RXRG: variants seen among roughly 807,000 people sequenced by gnomAD.
RXRG encodes the protein retinoid X receptor gamma, also known as retinoic acid receptor RXR-gamma.
Under a neutral mutation model 49.2 loss-of-function variants are expected in RXRG, and 19 were observed. The ratio of observed to expected loss-of-function variants is 0.39; its 90% CI spans 0.27 to 0.57. RXRG has a LOEUF of 0.57. RXRG is among the 20% of genes least tolerant of loss of function. The pLI is 0.64. For missense variants in RXRG, 452 were observed against 592.5 expected (o/e 0.76, Z 2.46); for synonymous variants, 224 against 216.6 (o/e 1.03, Z -0.30).
In RXRG at chr1:165,428,903, G is replaced by T. The variant is rs1387701577; in HGVS notation, c.113C>A (p.Pro38Gln). 1 of 1,613,952 alleles carries T rather than the reference G, an allele frequency of 6.2e-7. No individual in the cohort carries two copies. Among genetic ancestry groups the T allele is most frequent in the East Asian group, 2.2e-5 (1 of 44,876 alleles). Residue 38 changes from proline to glutamine, a missense_variant, in exon 2 of 10, where the codon CCA becomes CAA. Transcript: ENST00000359842. ...TGTGTAGCTGGGGTGGCTGTCCATT[G>T]GCTTCCCTGTGGACAAGGCTGCTGA... ...SPSAALSTGKPMDSHPSYTDT... is the reference protein window; with the variant it reads ...SPSAALSTGKQMDSHPSYTDT...
chr1:165,405,058 T>A (rs998371237), intron 9 of RXRG, among the ~76,000 whole-genome samples: 10 of 152,170 alleles, frequency 6.6e-5, no homozygotes, highest in African/African-American at 2.4e-4. Flanking sequence ...CGCATATTTT[T>A]AAAAAATATT....
At chr1:165,419,066 C>T (rs780984941) in intron 3 of RXRG, among the ~76,000 whole-genome samples, 1 of 151,974 alleles carries the variant, frequency 6.6e-6, no homozygotes, top group South Asian at 2.1e-4. Flanking sequence ...ATAATCAAAT[C>T]GGAGATTCGG....
chr1:165,435,108 G>A (rs544315652), intron 1 of RXRG, among the ~76,000 whole-genome samples: 1 of 152,284 alleles, frequency 6.6e-6, no homozygotes, highest in South Asian at 2.1e-4. Flanking sequence ...CAAAAGAAAT[G>A]TTCATTGGAG....
At chr1:165,402,366 G>A (rs751721527) in intron 9 of RXRG, among the ~76,000 whole-genome samples, 5 of 152,188 alleles carry the variant, frequency 3.3e-5, no homozygotes, top group Non-Finnish European at 7.3e-5. Flanking sequence ...GATTACAGGC[G>A]TGAGCCACCG....
intron 4 of RXRG, among the ~76,000 whole-genome samples, chr1:165,415,475 G>T (rs6669441): frequency 6.6e-6 from 1 of 152,160 alleles, no homozygotes; most frequent in East Asian, 1.9e-4. Flanking sequence ...AGAAGAGACT[G>T]TAGGAGGACA....
chr1:165,429,060 C>G, intron 1 of RXRG, 94 bp from the exon 2 acceptor site: 11 of 1,388,714 alleles, frequency 7.9e-6, no homozygotes, highest in Non-Finnish European at 9.7e-6. Flanking sequence ...TTTCCTGTAT[C>G]CTGCCCCTCT....
chr1:165,413,130 T>C (rs1364945467), intron 4 of RXRG, among the ~76,000 whole-genome samples: 1 of 152,206 alleles, frequency 6.6e-6, no homozygotes, highest in African/African-American at 2.4e-5. Context: ...TTTTCCTCTT[T>C]GTGCCTTAAG....
At chr1:165,436,936 T>C in intron 1 of RXRG, 6 of 1,128,240 alleles carry the variant, frequency 5.3e-6, no homozygotes, top group Non-Finnish European at 6.6e-6. Context: ...GAAAAGCCTG[T>C]TATCATCTTT....
At chr1:165,444,773 C>T in intron 1 of RXRG, 72 bp downstream of exon 1, 1 of 1,255,532 alleles carries the variant, frequency 8.0e-7, no homozygotes. Context: ...CTAATCCAGT[C>T]ATTCGTATTT....
At chr1:165,424,780 T>C (rs893782152) in intron 2 of RXRG, 1 of 985,510 alleles carries the variant, frequency 1.0e-6, no homozygotes, top group African/African-American at 1.7e-5. Context: ...ATGAACATGC[T>C]TCCATCATGA....
intron 2 of RXRG, among the ~76,000 whole-genome samples, chr1:165,426,843 C>T (rs191806777): frequency 2.6e-4 from 39 of 152,196 alleles, no homozygotes; most frequent in Admixed American, 2.6e-4. Context: ...GAGCTGGAGA[C>T]CCAAAAAAGC....
intron 1 of RXRG, among the ~76,000 whole-genome samples, chr1:165,431,946 A>C (rs535623576): frequency 6.6e-6 from 1 of 152,364 alleles, no homozygotes; most frequent in Non-Finnish European, 1.5e-5. Context: ...TAGCTATTTA[A>C]GCTTTCTTAA....
chr1:165,406,840 T>G lies in RXRG; in HGVS notation c.1216A>C (p.Lys406Gln). The change falls in exon 9 of 10, where the codon AAG becomes CAG. Residue 406 changes from lysine (K) to glutamine (Q), a missense_variant. Lys to Gln is a moderately conservative substitution (Grantham distance 53). Transcript: ENST00000359842. ...KVYATLEAYT[K>Q]QKYPEQPGRF... Reference sequence around the variant, plus strand: ...CCTGGCTGTTCCGGATACTTCTGCTTGGTGTAGGCCTCAAGGGTGGCATAA... The same window carrying G: ...CCTGGCTGTTCCGGATACTTCTGCTGGGTGTAGGCCTCAAGGGTGGCATAA... 1 of 1,613,952 alleles carries G rather than the reference T, an allele frequency of 6.2e-7. No individual in the cohort carries two copies. Among genetic ancestry groups the G allele is most frequent in the Non-Finnish European group, 8.5e-7 (1 of 1,179,922 alleles).
At chr1:165,438,278 C>T (rs903967754) in intron 1 of RXRG, among the ~76,000 whole-genome samples, 1 of 152,048 alleles carries the variant, frequency 6.6e-6, no homozygotes, top group Non-Finnish European at 1.5e-5. Context: ...AAAGGAAATG[C>T]TAATTGGAGC....
At chr1:165,405,829 CCTA>C (rs1657726360) in intron 9 of RXRG, among the ~76,000 whole-genome samples, 2 of 152,324 alleles carry the variant, frequency 1.3e-5, no homozygotes, top group Non-Finnish European at 2.9e-5. Context: ...CCAAAACCCA[CCTA>C]CTCAAATTCA....
At chr1:165,405,029 G>A (rs1455917048) in intron 9 of RXRG, among the ~76,000 whole-genome samples, 1 of 152,148 alleles carries the variant, frequency 6.6e-6, no homozygotes, top group Non-Finnish European at 1.5e-5. Context: ...AAAGTGCTGG[G>A]ATTACAGACA....
At chr1:165,439,746 T>A (rs1658923385) in intron 1 of RXRG, among the ~76,000 whole-genome samples, 2 of 152,374 alleles carry the variant, frequency 1.3e-5, no homozygotes, top group South Asian at 4.1e-4. Context: ...ATTTAATGTC[T>A]AACATCTTGT....
chr1:165,434,913 T>C (rs897315008), intron 1 of RXRG, among the ~76,000 whole-genome samples: 9 of 152,230 alleles, frequency 5.9e-5, no homozygotes. Flanking sequence ...TACAGGCACT[T>C]CAACCAACAA....
At chr1:165,439,261 G>C (rs904918364) in intron 1 of RXRG, among the ~76,000 whole-genome samples, 6 of 132,184 alleles carry the variant, frequency 4.5e-5, no homozygotes, top group African/African-American at 1.7e-4. Context: ...TTTTAGGGGA[G>C]GGGGGCGGGG....
Sources: allele counts gnomAD v4.1 joint callset (sites outside exome capture counted in the v4.1 genomes callset), GRCh38; gene constraint gnomAD v4.1.1; transcripts MANE v1.5; gene names NCBI Gene and HGNC (gene_info 2026-07-23, HGNC 2026-07-21).